The following CCSER1 variants were observed in gnomAD, a reference collection of about 807,000 sequenced individuals.
CCSER1 encodes coiled-coil serine rich protein 1, also known as serine-rich coiled-coil domain-containing protein 1.
In CCSER1, 41 loss-of-function variants were observed where a neutral mutation model predicts 82.0. That is an observed-to-expected ratio of 0.50 (90% CI 0.39 to 0.65). The LOEUF is 0.65. Among genes scored for constraint, CCSER1 ranks in the 30% least tolerant of loss-of-function variants. CCSER1 has a pLI of 0.00. For synonymous variants in CCSER1, 414 were observed against 383.9 expected (o/e 1.08, Z -0.92); for missense variants, 1,119 against 1,064.2 (o/e 1.05, Z -0.72).
chr4:90,664,613 C>A (rs1302086923), intron 6 of CCSER1, among the ~76,000 whole-genome samples: 1 of 151,940 alleles, frequency 6.6e-6, no homozygotes, highest in African/African-American at 2.4e-5. Context: ...GAAATAGAAA[C>A]TAATTGGCCA....
In CCSER1 at chr4:90,571,212, A is replaced by G. The variant is rs1780080133; in HGVS notation, c.1725-56813A>G. On this transcript the variant is annotated intron_variant, in intron 5 of 10. Transcript: ENST00000509176. ...TAAAAATAGAACAACCATTCAACCC[A>G]GCTATCTCATTACTGGGTATATACC... is the stretch of plus-strand genomic sequence containing the variant. 2.0e-5 allele frequency among the ~76,000 whole-genome samples: 3 copies of G among 152,338 alleles called. 1 individual carries two copies. In the East Asian group the frequency reaches 5.8e-4, roughly 29 times the overall value.
At chr4:91,428,467 C>G (rs915594474) in intron 10 of CCSER1, among the ~76,000 whole-genome samples, 1 of 151,930 alleles carries the variant, frequency 6.6e-6, no homozygotes, top group African/African-American at 2.4e-5. Flanking sequence ...AAATTGGCAT[C>G]AATTACTAAT....
chr4:91,035,689 A>G lies in CCSER1; in HGVS notation c.2173-50261A>G, dbSNP rs537794647. ...TCAAATCAAAACAAAAAAGCAAAGT[A>G]GTAGGTAATTTTGGGTTTTCTAAAC... On this transcript the variant is annotated intron_variant, in intron 9 of 10. Coordinates refer to ENST00000509176, the MANE Select transcript of CCSER1 (RefSeq NM_001145065.2). Among the ~76,000 whole-genome samples the G allele has an allele frequency of 2.6e-5, 4 of 152,278 alleles. No individual in the cohort carries two copies. In the East Asian group the frequency reaches 7.7e-4, roughly 29 times the overall value.
chr4:91,093,158 G>A (rs1044986980), intron 10 of CCSER1, among the ~76,000 whole-genome samples: 21 of 152,200 alleles, frequency 1.4e-4, no homozygotes, highest in Admixed American at 1.0e-3. Flanking sequence ...AGTGCCCTGA[G>A]GCAATGGTTT....
intron 7 of CCSER1, among the ~76,000 whole-genome samples, chr4:90,743,822 T>G (rs1298094827): frequency 6.6e-6 from 1 of 152,188 alleles, no homozygotes; most frequent in Non-Finnish European, 1.5e-5. Context: ...AAAGACTGAT[T>G]AGTCATAATT....
intron 9 of CCSER1, among the ~76,000 whole-genome samples, chr4:90,945,007 AT>A (rs1732059561): frequency 6.6e-6 from 1 of 152,122 alleles, no homozygotes; most frequent in African/African-American, 2.4e-5. Context: ...GACCACAGTT[AT>A]TTTGGTTTCT....
chr4:90,640,544 G>A (rs1382629412), intron 6 of CCSER1, among the ~76,000 whole-genome samples: 2 of 152,012 alleles, frequency 1.3e-5, no homozygotes, highest in East Asian at 1.9e-4. Context: ...AGTGATCACA[G>A]GATACAGTTA....
chr4:90,522,147 T>G (rs764152243), intron 5 of CCSER1, among the ~76,000 whole-genome samples: 6 of 152,188 alleles, frequency 3.9e-5, no homozygotes, highest in Non-Finnish European at 7.3e-5. Context: ...TGGACAAATC[T>G]AAACTGATTT....
chr4:90,157,778 A>G (rs1206190843), intron 1 of CCSER1, among the ~76,000 whole-genome samples: 1 of 152,024 alleles, frequency 6.6e-6, no homozygotes, highest in South Asian at 2.1e-4. Flanking sequence ...CATTCATCTA[A>G]ATTTTTTTCG....
intron 7 of CCSER1, chr4:90,782,027 T>C (rs1753847265): frequency 1.2e-6 from 1 of 803,312 alleles, no homozygotes; most frequent in African/African-American, 1.9e-5. Flanking sequence ...ATAGATTTAG[T>C]ACTGTGAAAG....
At chr4:90,734,603 A>G (rs1745347423) in intron 7 of CCSER1, among the ~76,000 whole-genome samples, 1 of 151,934 alleles carries the variant, frequency 6.6e-6, no homozygotes, top group African/African-American at 2.4e-5. Context: ...TGATATTGCA[A>G]TTTTCACAAT....
At chr4:90,698,157 G>C (rs557326854) in intron 6 of CCSER1, among the ~76,000 whole-genome samples, 2 of 152,260 alleles carry the variant, frequency 1.3e-5, no homozygotes, top group South Asian at 4.1e-4. Flanking sequence ...GGGATTCTTG[G>C]AAAACAGATT....
intron 10 of CCSER1, among the ~76,000 whole-genome samples, chr4:91,187,171 A>C (rs1428019614): frequency 1.3e-5 from 2 of 152,204 alleles, no homozygotes; most frequent in Non-Finnish European, 1.5e-5. Context: ...ACTGTCTGAC[A>C]AGCCCCAGTG....
intron 10 of CCSER1, among the ~76,000 whole-genome samples, chr4:91,188,258 T>C (rs1404160395): frequency 6.6e-6 from 1 of 152,206 alleles, no homozygotes; most frequent in Non-Finnish European, 1.5e-5. Flanking sequence ...CCAATGTCTA[T>C]TCTCTTCTCA....
In CCSER1 at chr4:91,542,049, C is replaced by T. The variant is rs185623958; in HGVS notation, c.2218-56523C>T. On this transcript the variant is annotated intron_variant, in intron 10 of 10. Transcript: ENST00000509176. The stretch of plus-strand genomic sequence containing the variant: ...TTCTTTTGAGAAGTGTCTGTTAATA[C>T]GCTTCATCCAATTTTTGATGGGGTT... Among the ~76,000 whole-genome samples, 31 of 152,008 alleles carry T rather than the reference C, an allele frequency of 2.0e-4. No homozygotes were observed. In the East Asian group the frequency reaches 2.1e-3, roughly 10 times the overall value.
At chr4:90,429,901 A>G (rs1176652900) in intron 4 of CCSER1, among the ~76,000 whole-genome samples, 1 of 151,862 alleles carries the variant, frequency 6.6e-6, no homozygotes, top group Non-Finnish European at 1.5e-5. Context: ...AATAAATTTC[A>G]TCATTTTAAA....
At chr4:91,151,183 C>A (rs1331923650) in intron 10 of CCSER1, among the ~76,000 whole-genome samples, 1 of 152,022 alleles carries the variant, frequency 6.6e-6, no homozygotes, top group Non-Finnish European at 1.5e-5. Flanking sequence ...CAACTTCTTC[C>A]TGGTTTAGTC....
chr4:91,020,478 C>T (rs1739838808), intron 9 of CCSER1, among the ~76,000 whole-genome samples: 1 of 152,046 alleles, frequency 6.6e-6, no homozygotes, highest in South Asian at 2.1e-4. Context: ...CTGGCTAACA[C>T]AGTGAAACCC....
chr4:90,744,041 C>A (rs897227913), intron 7 of CCSER1, among the ~76,000 whole-genome samples: 4 of 152,100 alleles, frequency 2.6e-5, no homozygotes, highest in African/African-American at 9.7e-5. Context: ...AATTGAGGTT[C>A]TCTTATGCAT....
Sources: allele counts gnomAD v4.1 joint callset (sites outside exome capture counted in the v4.1 genomes callset), GRCh38; gene constraint gnomAD v4.1.1; transcripts MANE v1.5; gene names NCBI Gene and HGNC (gene_info 2026-07-23, HGNC 2026-07-21).